Variants in NRF1 observed in about 807,000 individuals in gnomAD.
NRF1 encodes alpha palindromic-binding protein.
NRF1 carries 5 observed loss-of-function variants against 58.5 expected under a neutral mutation model. That is an observed-to-expected ratio of 0.09 (90% CI 0.04 to 0.18). The LOEUF (loss-of-function observed/expected upper bound fraction) is 0.18, where lower values mean the gene tolerates loss of function less well. Ranked by LOEUF, NRF1 falls within the 10% of genes least tolerant of loss-of-function variation. The pLI, the probability that NRF1 is intolerant of heterozygous loss-of-function variation, is 1.00. For missense variants in NRF1, 288 were observed against 657.7 expected (o/e 0.44, Z 6.15); for synonymous variants, 224 against 246.7 (o/e 0.91, Z 0.86).
chr7:129,732,036 C>G (rs2116265830), intron 10 of NRF1, among the ~76,000 whole-genome samples: 1 of 152,316 alleles, frequency 6.6e-6, no homozygotes, highest in Non-Finnish European at 1.5e-5. Flanking sequence ...CTGCTGGTCC[C>G]CAGAACCCCC....
intron 1 of NRF1, among the ~76,000 whole-genome samples, chr7:129,637,109 C>T (rs137952898): frequency 1.3e-5 from 2 of 152,232 alleles, no homozygotes; most frequent in East Asian, 1.9e-4. Context: ...CATGTTTCCA[C>T]TTGTGCTCTG....
intron 1 of NRF1, among the ~76,000 whole-genome samples, chr7:129,656,871 C>T (rs35343997): frequency 0.13 from 20,009 of 152,112 alleles, 1,612 homozygotes; most frequent in Admixed American, 0.23. Context: ...GCCGCCATGC[C>T]CTCAAGAAGC....
In NRF1 at chr7:129,741,809, A is replaced by C. The variant is rs552652148; in HGVS notation, c.1349-13209A>C. Among the ~76,000 whole-genome samples, 1 of 152,308 alleles carries C rather than the reference A, an allele frequency of 6.6e-6. No individual in the cohort carries two copies. The highest frequency in any genetic ancestry group is 1.9e-4 in the East Asian group (1 of 5,192). ...CCTCTGGCTCTCAGGTTACCTGTGT[A>C]AATACAGGGATTCACTTGCCAGCAC... is the stretch of plus-strand genomic sequence containing the variant. On this transcript the variant is annotated intron_variant, in intron 10 of 10. Coordinates refer to ENST00000393232, the MANE Select transcript of NRF1 (RefSeq NM_005011.5). The surrounding 1 kb of genome is among the most constrained non-coding windows in gnomAD (Gnocchi z 4.0).
chr7:129,649,119 A>C (rs1801477985), intron 1 of NRF1, among the ~76,000 whole-genome samples: 1 of 152,050 alleles, frequency 6.6e-6, no homozygotes, highest in South Asian at 2.1e-4. Flanking sequence ...TGAGCTGTGG[A>C]ATTGTTTTTA....
At chr7:129,651,276 G>A (rs962549466) in intron 1 of NRF1, among the ~76,000 whole-genome samples, 1 of 152,008 alleles carries the variant, frequency 6.6e-6, no homozygotes, top group South Asian at 2.1e-4. Context: ...ACAAAAATCA[G>A]CTGGGCTTGG....
chr7:129,729,941 A>G (rs189595799), intron 10 of NRF1, among the ~76,000 whole-genome samples: 1 of 152,158 alleles, frequency 6.6e-6, no homozygotes, highest in Non-Finnish European at 1.5e-5. Context: ...GGAAGTTCCA[A>G]TGATTCTCGT....
chr7:129,658,591 C>G (rs1426099681), intron 2 of NRF1, among the ~76,000 whole-genome samples: 2 of 142,608 alleles, frequency 1.4e-5, no homozygotes, highest in Non-Finnish European at 3.0e-5. Context: ...AGCCTGTGTC[C>G]AGTTGAAAAA....
At chr7:129,631,832 G>A (rs1801056511) in intron 1 of NRF1, among the ~76,000 whole-genome samples, 1 of 152,146 alleles carries the variant, frequency 6.6e-6, no homozygotes, top group African/African-American at 2.4e-5. Flanking sequence ...TAAGTTTACT[G>A]GACAGATTTA....
intron 3 of NRF1, among the ~76,000 whole-genome samples, chr7:129,676,930 A>G (rs1802193804): frequency 6.6e-6 from 1 of 152,230 alleles, no homozygotes. Context: ...AAAAGATAGT[A>G]AAAGCAAATC....
intron 5 of NRF1, among the ~76,000 whole-genome samples, chr7:129,698,211 A>G (rs533185230): frequency 7.6e-4 from 115 of 151,744 alleles, no homozygotes; most frequent in Non-Finnish European, 1.4e-3. Flanking sequence ...TGAAAGCATG[A>G]TTCTTTATTA....
At chr7:129,619,662 A>G (rs1800747867) in intron 1 of NRF1, among the ~76,000 whole-genome samples, 2 of 148,628 alleles carry the variant, frequency 1.3e-5, no homozygotes, top group African/African-American at 5.0e-5. Context: ...CTGCAATGGG[A>G]GTTGCAGCTT....
intron 5 of NRF1, among the ~76,000 whole-genome samples, chr7:129,706,222 G>A (rs535678715): frequency 3.9e-5 from 6 of 152,342 alleles, no homozygotes; most frequent in Non-Finnish European, 7.3e-5. Context: ...AAGCTGGGCA[G>A]AAGGATCTAG....
intron 2 of NRF1, among the ~76,000 whole-genome samples, chr7:129,664,565 T>C (rs1411796040): frequency 6.6e-6 from 1 of 152,202 alleles, no homozygotes; most frequent in East Asian, 1.9e-4. Context: ...TAAAATATAT[T>C]TTGTGAAATG....
At chr7:129,619,407 T>C (rs1488452786) in intron 1 of NRF1, among the ~76,000 whole-genome samples, 3 of 74,718 alleles carry the variant, frequency 4.0e-5, no homozygotes, top group African/African-American at 2.0e-4. Context: ...TATATATATA[T>C]ATATATATAT....
At chr7:129,744,008 G>T (rs1803909552) in intron 10 of NRF1, among the ~76,000 whole-genome samples, 1 of 152,214 alleles carries the variant, frequency 6.6e-6, no homozygotes, top group Admixed American at 6.5e-5. Context: ...AGCACTTGGT[G>T]CTGGCATGCT....
At chr7:129,637,456 C>T (rs569391023) in intron 1 of NRF1, among the ~76,000 whole-genome samples, 6 of 152,136 alleles carry the variant, frequency 3.9e-5, no homozygotes, top group South Asian at 4.1e-4. Flanking sequence ...CTGGACATAA[C>T]AATGGTTATA....
intron 4 of NRF1, among the ~76,000 whole-genome samples, chr7:129,686,869 A>T (rs138961627): frequency 6.6e-6 from 1 of 152,240 alleles, no homozygotes; most frequent in Non-Finnish European, 1.5e-5. Context: ...CCTGTATTTT[A>T]TCTCATCTGT....
rs571775755 is a variant in NRF1, at chr7:129,660,332, A to G, written c.223+2758A>G. On this transcript the variant is annotated intron_variant, in intron 2 of 10. Transcript: ENST00000393232. Reference sequence around the variant, plus strand: ...TTCATGTCCTCACATTTCAAAACCAATCATGCCTTTCTAACAGTCCCCCAA... The same window carrying G: ...TTCATGTCCTCACATTTCAAAACCAGTCATGCCTTTCTAACAGTCCCCCAA... Among the ~76,000 whole-genome samples the G allele has an allele frequency of 2.0e-5, 3 of 150,694 alleles. 1 individual carries two copies. The highest frequency in any genetic ancestry group is 7.5e-5 in the African/African-American group (3 of 40,092).
chr7:129,720,949 G>T (rs953949378), intron 9 of NRF1, among the ~76,000 whole-genome samples: 1 of 151,940 alleles, frequency 6.6e-6, no homozygotes, highest in African/African-American at 2.4e-5. Context: ...CAAATGAGCA[G>T]AACATCACAG....
Sources: allele counts gnomAD v4.1 joint callset (sites outside exome capture counted in the v4.1 genomes callset), GRCh38; gene constraint gnomAD v4.1.1; non-coding constraint Gnocchi (gnomAD v3.1); transcripts MANE v1.5; gene names NCBI Gene and HGNC (gene_info 2026-07-23, HGNC 2026-07-21).